CALCR: variants seen among roughly 807,000 people sequenced by gnomAD.
CALCR encodes calcitonin receptor.
Under a neutral mutation model 59.5 loss-of-function variants are expected in CALCR, and 47 were observed. The observed-to-expected ratio is 0.79, with a 90% CI of 0.63 to 1.01. The LOEUF is 1.01. CALCR is among the 50% of genes least tolerant of loss of function. CALCR has a pLI of 0.00. For missense variants in CALCR, 566 were observed against 597.1 expected, an observed-to-expected ratio of 0.95 and a Z score of 0.54; for synonymous variants, 213 against 211.3, an observed-to-expected ratio of 1.01 and a Z score of -0.07.
intron 8 of CALCR, among the ~76,000 whole-genome samples, chr7:93,447,569 G>T (rs772261345): frequency 3.3e-5 from 5 of 151,904 alleles, no homozygotes; most frequent in Non-Finnish European, 7.4e-5. Flanking sequence ...TTAAGTATGA[G>T]AAATAGAAAG....
At position 93,521,730 on chromosome 7, in the gene CALCR, T is replaced by C. The variant is rs370295492; in HGVS notation, c.-26-34723A>G. 3.0e-4 allele frequency among the ~76,000 whole-genome samples: 46 copies of C among 152,300 alleles called. No individual in the cohort carries two copies. The East Asian group carries it at 6.4e-3, about 21-fold the overall frequency. On this transcript the variant is annotated intron_variant, in intron 2 of 13. Transcript: ENST00000426151. ...GCAGAATTAATGATATGAAGATGCATAGATATTGCCATATGTATTACATAT... is the reference window on the plus strand; with the variant it reads ...GCAGAATTAATGATATGAAGATGCACAGATATTGCCATATGTATTACATAT...
intron 8 of CALCR, among the ~76,000 whole-genome samples, chr7:93,456,572 CAAAATAGTAT>C (rs1236745974): frequency 6.6e-6 from 1 of 152,020 alleles, no homozygotes; most frequent in African/African-American, 2.4e-5. Flanking sequence ...GATATGTTTC[CAAAATAGTAT>C]AAATTCATTT....
intron 8 of CALCR, among the ~76,000 whole-genome samples, chr7:93,446,312 A>G (rs1310954478): frequency 6.6e-6 from 1 of 152,082 alleles, no homozygotes; most frequent in Non-Finnish European, 1.5e-5. Context: ...GCTGACTATT[A>G]GAATTTTTCA....
At chr7:93,450,842 AC>A (rs1800094364) in intron 8 of CALCR, among the ~76,000 whole-genome samples, 1 of 151,970 alleles carries the variant, frequency 6.6e-6, no homozygotes, top group Non-Finnish European at 1.5e-5. Flanking sequence ...TGTAATATAT[AC>A]CCTGTAACAT....
intron 2 of CALCR, among the ~76,000 whole-genome samples, chr7:93,554,476 A>C (rs1273852662): frequency 6.6e-6 from 1 of 152,090 alleles, no homozygotes; most frequent in East Asian, 1.9e-4. Context: ...CAATGATTAA[A>C]GTTAACCCTG....
chr7:93,501,901 G>T (rs917663202), intron 2 of CALCR, among the ~76,000 whole-genome samples: 2 of 152,058 alleles, frequency 1.3e-5, no homozygotes, highest in African/African-American at 4.8e-5. Flanking sequence ...CTAATGTGCA[G>T]GTTCTGGGTC....
intron 9 of CALCR, among the ~76,000 whole-genome samples, chr7:93,439,069 A>G (rs755455030): frequency 5.3e-5 from 8 of 152,200 alleles, no homozygotes; most frequent in Non-Finnish European, 8.8e-5. Context: ...GATGTACAAC[A>G]GTAGAATATT....
intron 3 of CALCR, among the ~76,000 whole-genome samples, chr7:93,479,842 T>G (rs1800755685): frequency 6.6e-6 from 1 of 151,852 alleles, no homozygotes; most frequent in African/African-American, 2.4e-5. Flanking sequence ...TAATCTAATT[T>G]CCAAAAAATA....
intron 8 of CALCR, among the ~76,000 whole-genome samples, chr7:93,457,604 G>A (rs1249071003): frequency 6.6e-6 from 1 of 152,114 alleles, no homozygotes. Flanking sequence ...AAAAACGGAA[G>A]CCTCATTTCT....
rs185447083 is a variant in CALCR, at chr7:93,490,256, C to A, written c.-26-3249G>T. ...TAGACTAGGTATTGATGGAACATAT[C>A]TCAAAATAAGAGCTATTTATGACAA... On this transcript the variant is annotated intron_variant, in intron 2 of 13. Coordinates refer to ENST00000426151, the MANE Select transcript of CALCR (RefSeq NM_001742.4). Among the ~76,000 whole-genome samples the A allele has an allele frequency of 2.6e-5, 4 of 151,642 alleles. No homozygotes were observed. The East Asian group carries it at 7.8e-4, about 30-fold the overall frequency.
At chr7:93,427,215 G>A (rs1250851891) in intron 13 of CALCR, among the ~76,000 whole-genome samples, 1 of 152,136 alleles carries the variant, frequency 6.6e-6, no homozygotes, top group Non-Finnish European at 1.5e-5. Flanking sequence ...ATTATATATT[G>A]AAAACAAGAG....
chr7:93,445,021 C>T (rs904683950), intron 8 of CALCR, among the ~76,000 whole-genome samples: 2 of 152,048 alleles, frequency 1.3e-5, no homozygotes, highest in Non-Finnish European at 2.9e-5. Flanking sequence ...GTTTCCTTTT[C>T]TTTCAAGGTT....
At chr7:93,457,250 T>C (rs1800227276) in intron 8 of CALCR, among the ~76,000 whole-genome samples, 1 of 152,162 alleles carries the variant, frequency 6.6e-6, no homozygotes, top group South Asian at 2.1e-4. Flanking sequence ...CTTGTAATAT[T>C]AGGCCCTTGG....
At chr7:93,543,168 G>A (rs554765011) in intron 2 of CALCR, among the ~76,000 whole-genome samples, 40 of 152,124 alleles carry the variant, frequency 2.6e-4, no homozygotes, top group African/African-American at 9.6e-4. Context: ...GTTGTATATA[G>A]GACTATAGTT....
chr7:93,473,342 T>C (rs1020861157), intron 5 of CALCR, among the ~76,000 whole-genome samples: 1 of 151,810 alleles, frequency 6.6e-6, no homozygotes, highest in East Asian at 1.9e-4. Context: ...TTCCCTTCCA[T>C]AACTAGCAGG....
chr7:93,496,346 C>A (rs1801202796), intron 2 of CALCR, among the ~76,000 whole-genome samples: 1 of 151,452 alleles, frequency 6.6e-6, no homozygotes, highest in Non-Finnish European at 1.5e-5. Flanking sequence ...ATTTCCCAAA[C>A]CTGATTGACC....
intron 3 of CALCR, among the ~76,000 whole-genome samples, chr7:93,482,494 T>G (rs929369306): frequency 6.6e-6 from 1 of 151,832 alleles, no homozygotes; most frequent in Non-Finnish European, 1.5e-5. Flanking sequence ...CTGGGAAGTA[T>G]TTTGTTTAAA....
intron 2 of CALCR, among the ~76,000 whole-genome samples, chr7:93,558,200 A>G (rs1789655991): frequency 1.3e-5 from 2 of 151,842 alleles, no homozygotes; most frequent in Admixed American, 6.6e-5. Flanking sequence ...AAACAATATA[A>G]AACAAAAATA....
At chr7:93,468,901 G>A (rs1284462225) in intron 6 of CALCR, 95 bp from the exon 7 acceptor site, 7 of 611,366 alleles carry the variant, frequency 1.1e-5, no homozygotes, top group Non-Finnish European at 1.8e-5. Flanking sequence ...ATCAACAAAT[G>A]TTTTCCTCCT....
Sources: gnomAD v4.1 joint callset for allele counts (sites outside exome capture counted in the v4.1 genomes callset) on GRCh38, gnomAD v4.1.1 for gene constraint, MANE v1.5 for transcripts, NCBI Gene and HGNC (gene_info 2026-07-23, HGNC 2026-07-21) for gene names.